Variants in DGKD observed in about 807,000 individuals in gnomAD.
DGKD encodes diacylglycerol kinase delta.
Under a neutral mutation model 154.4 loss-of-function variants are expected in DGKD, and 68 were observed. The observed-to-expected ratio is 0.44, with a 90% confidence interval of 0.36 to 0.54. DGKD has a LOEUF of 0.54. Ranked by LOEUF, DGKD falls within the 20% of genes least tolerant of loss-of-function variation. DGKD has a pLI of 0.00. For missense variants in DGKD, 1,343 were observed against 1,593.6 expected (o/e 0.84, Z 2.68); for synonymous variants, 693 against 638.0 (o/e 1.09, Z -1.30).
intron 16 of DGKD, among the ~76,000 whole-genome samples, chr2:233,450,359 C>T (rs1355457693): frequency 6.6e-6 from 1 of 152,128 alleles, no homozygotes; most frequent in African/African-American, 2.4e-5. Context: ...CGCGAGACCC[C>T]CTCCATCAGG....
At position 233,469,611 on chromosome 2, in the gene DGKD, G is replaced by C; in HGVS notation, c.*151G>C. 1 of 649,226 alleles carries C rather than the reference G, an allele frequency of 1.5e-6. No individual in the cohort carries two copies. Among genetic ancestry groups the C allele is most frequent in the Non-Finnish European group, 2.7e-6 (1 of 374,624 alleles). 40.2% of individuals were successfully genotyped at this position (649,226 alleles called of 1,614,324 possible). ...TCTCATGGTGCTACTTCCTCTGTCA[G>C]CTACAGAAAGCCTCCGTGACACCGT... On this transcript the variant is annotated 3_prime_UTR_variant, in exon 30 of 30. Coordinates refer to ENST00000264057, the MANE Select transcript of DGKD (RefSeq NM_152879.3).
In DGKD at chr2:233,363,197, G is replaced by A. The variant is rs539630743; in HGVS notation, c.156+8523G>A. ...CATAGGAGGTGACAGCTCCATGCAC[G>A]TCATTGTCCCTGAAGACCTTCCAGT... On this transcript the variant is annotated intron_variant, in intron 1 of 29. Coordinates refer to ENST00000264057, the MANE Select transcript of DGKD (RefSeq NM_152879.3). Among the ~76,000 whole-genome samples, 7 of 152,304 alleles carry A rather than the reference G, an allele frequency of 4.6e-5. No homozygotes were observed. The East Asian group carries it at 5.8e-4, about 13-fold the overall frequency.
rs542722226 is a variant in DGKD, at chr2:233,424,134, T to C, written c.349-10246T>C. ...CTCGCTCGTCATGACCGTTGGACCG[T>C]TGTGGTCCCCGGGCCTCACATTAAT... is the stretch of plus-strand genomic sequence containing the variant. On this transcript the variant is annotated intron_variant, in intron 3 of 29. Transcript: ENST00000264057. Among the ~76,000 whole-genome samples the C allele has an allele frequency of 5.3e-5, 8 of 152,332 alleles. No individual in the cohort carries two copies. The South Asian group carries it at 1.7e-3, about 32-fold the overall frequency.
intron 3 of DGKD, among the ~76,000 whole-genome samples, chr2:233,399,141 C>T (rs1251826896): frequency 1.3e-5 from 2 of 152,212 alleles, no homozygotes; most frequent in Non-Finnish European, 2.9e-5. Flanking sequence ...GGGCTTTATT[C>T]TCACCCTCCC....
chr2:233,462,968 G>A (rs904758220), intron 26 of DGKD, among the ~76,000 whole-genome samples: 19 of 152,194 alleles, frequency 1.2e-4, no homozygotes, highest in Admixed American at 3.9e-4. Flanking sequence ...CACCCTTGTC[G>A]TCGTGGACAG....
At chr2:233,369,008 A>G (rs924216688) in intron 1 of DGKD, among the ~76,000 whole-genome samples, 4 of 152,194 alleles carry the variant, frequency 2.6e-5, no homozygotes, top group East Asian at 1.9e-4. Flanking sequence ...TCAAGATTTC[A>G]GGCTGGCAGG....
At chr2:233,432,749 A>G (rs191448078) in intron 3 of DGKD, among the ~76,000 whole-genome samples, 2 of 152,368 alleles carry the variant, frequency 1.3e-5, no homozygotes, top group East Asian at 3.9e-4. Context: ...AAATAATTCA[A>G]AAGGGGAAAA....
chr2:233,422,148 G>C (rs2062139130), intron 3 of DGKD, among the ~76,000 whole-genome samples: 1 of 152,208 alleles, frequency 6.6e-6, no homozygotes. Context: ...GCCACTCCCA[G>C]AGCATACATT....
intron 3 of DGKD, among the ~76,000 whole-genome samples, chr2:233,414,519 G>A (rs960765417): frequency 6.6e-6 from 1 of 152,198 alleles, no homozygotes; most frequent in Admixed American, 6.5e-5. Flanking sequence ...GGAGACCACG[G>A]CATGCCTTGG....
chr2:233,456,851 A>C (rs6718771), intron 19 of DGKD, 48 bp from the exon 20 acceptor site: 1 of 1,443,512 alleles, frequency 6.9e-7, no homozygotes, highest in Middle Eastern at 1.7e-4. Context: ...CTGGTTAACT[A>C]TACGAAGAAA....
In DGKD at chr2:233,460,317, G is replaced by C; in HGVS notation, c.2953G>C (p.Gly985Arg). The C allele has an allele frequency of 6.2e-7, 1 of 1,614,026 alleles. No individual in the cohort carries two copies. Among genetic ancestry groups the C allele is most frequent in the South Asian group, 1.1e-5 (1 of 91,082 alleles). The part of the protein sequence containing the change: ...EEEATQMDQF[G>R]QAAGVLIHSI... ...GGAGGCCACCCAGATGGACCAGTTT[G>C]GGCAGGCAGCAGGGGTCCTCATTCA... Residue 985 changes from glycine (G) to arginine (R), a missense_variant, in exon 24 of 30, where the codon GGG (glycine) becomes CGG (arginine). Coordinates refer to ENST00000264057, the MANE Select transcript of DGKD (RefSeq NM_152879.3).
At chr2:233,450,309 T>C (rs1004534953) in intron 16 of DGKD, among the ~76,000 whole-genome samples, 178 bp downstream of exon 16, 1 of 152,016 alleles carries the variant, frequency 6.6e-6, no homozygotes, top group African/African-American at 2.4e-5. Flanking sequence ...GCCCTTGAGG[T>C]GGGTGTGTGC....
chr2:233,400,462 C>T (rs1185680103), intron 3 of DGKD, among the ~76,000 whole-genome samples: 1 of 152,254 alleles, frequency 6.6e-6, no homozygotes, highest in Non-Finnish European at 1.5e-5. Flanking sequence ...ACGCCTCATG[C>T]TGTCCTGGCC....
In DGKD at chr2:233,464,074, A is replaced by G; in HGVS notation, c.3187-90A>G. 7.1e-6 allele frequency: 11 copies of G among 1,556,088 alleles called. 1 individual carries two copies. In the Admixed American group the frequency reaches 1.9e-4, roughly 27 times the overall value. On this transcript the variant is annotated intron_variant, in intron 26 of 29. Coordinates refer to ENST00000264057, the MANE Select transcript of DGKD (RefSeq NM_152879.3). ...GAGCTCCCTGATCAGAGCAGAGCAGAGCCCTGGAGCGGACCTCACCCCCCT... is the reference window on the plus strand; with the variant it reads ...GAGCTCCCTGATCAGAGCAGAGCAGGGCCCTGGAGCGGACCTCACCCCCCT...
intron 3 of DGKD, among the ~76,000 whole-genome samples, chr2:233,399,949 T>C (rs533944169): frequency 6.6e-6 from 1 of 152,230 alleles, no homozygotes; most frequent in East Asian, 1.9e-4. Flanking sequence ...CTCTGAGAAT[T>C]AAATATTAAT....
Position 233,388,693 on chromosome 2 carries a change from ATCT to A in DGKD, c.267+331_267+333del, listed in dbSNP as rs953361278. The A allele has an allele frequency of 5.3e-5, 10 of 188,954 alleles. No individual in the cohort carries two copies. The South Asian group carries it at 5.8e-4, about 11-fold the overall frequency. The allele number at this position is 188,954 out of a possible 1,614,324, so 11.7% of individuals were successfully genotyped here. A position where few individuals can be genotyped will look rare whatever the true frequency, so the allele number is the denominator to read the frequency against. ...AGGGAATCACGGGGCTATGAATTTC[ATCT>A]TCTTATTATTAAATAATTTTTATTC... On this transcript the variant is annotated intron_variant, in intron 2 of 29. Coordinates refer to ENST00000264057, the MANE Select transcript of DGKD (RefSeq NM_152879.3).
intron 3 of DGKD, among the ~76,000 whole-genome samples, chr2:233,400,311 G>A (rs1441812421): frequency 6.6e-6 from 1 of 152,244 alleles, no homozygotes; most frequent in Non-Finnish European, 1.5e-5. Context: ...ACAGCGGGAG[G>A]CAGTCAAGGC....
chr2:233,454,970 G>A (rs1435021056), intron 19 of DGKD, 97 bp downstream of exon 19: 7 of 769,140 alleles, frequency 9.1e-6, no homozygotes, highest in Admixed American at 2.2e-5. Flanking sequence ...GTTAAAGAAC[G>A]TGCAGAATGC....
At chr2:233,437,067 C>T (rs942349514) in intron 7 of DGKD, among the ~76,000 whole-genome samples, 4 of 152,356 alleles carry the variant, frequency 2.6e-5, no homozygotes, top group East Asian at 1.9e-4. Context: ...CCCTCACCCT[C>T]GTCCTGAAAG....
Sources: gnomAD v4.1 joint callset for allele counts (sites outside exome capture counted in the v4.1 genomes callset) on GRCh38, gnomAD v4.1.1 for gene constraint, MANE v1.5 for transcripts, NCBI Gene and HGNC (gene_info 2026-07-23, HGNC 2026-07-21) for gene names.